Variants in DGKZ observed in about 807,000 individuals in gnomAD.
DGKZ encodes DAG kinase zeta.
DGKZ carries 45 observed loss-of-function variants against 142.5 expected under a neutral mutation model. That is an observed-to-expected ratio of 0.32 (90% CI 0.25 to 0.40). The LOEUF (loss-of-function observed/expected upper bound fraction) is 0.40, where lower values mean the gene tolerates loss of function less well. Ranked by LOEUF, DGKZ falls within the 10% of genes least tolerant of loss-of-function variation. The pLI, the probability that DGKZ is intolerant of heterozygous loss-of-function variation, is 1.00. For missense variants in DGKZ, 755 were observed against 1,306.5 expected, an observed-to-expected ratio of 0.58 and a Z score of 6.51; for synonymous variants, 442 against 527.0, an observed-to-expected ratio of 0.84 and a Z score of 2.21.
intron 25 of DGKZ, 72 bp from the exon 26 acceptor site, chr11:46,378,126 C>T: frequency 1.9e-6 from 3 of 1,556,946 alleles, no homozygotes; most frequent in Non-Finnish European, 2.6e-6. Flanking sequence ...AAGATGCCCC[C>T]AGTTGGGGTT....
rs1467784114 is a variant in DGKZ, at chr11:46,372,220, C to T, written c.927+50C>T. 1 of 1,502,106 alleles carries T rather than the reference C, an allele frequency of 6.7e-7. No homozygotes were observed. Among genetic ancestry groups the T allele is most frequent in the East Asian group, 2.4e-5 (1 of 41,268 alleles). 93.0% of individuals were successfully genotyped at this position (1,502,106 alleles called of 1,614,324 possible). On this transcript the variant is annotated intron_variant, in intron 10 of 30. Coordinates refer to ENST00000527911, the Ensembl canonical transcript of DGKZ. The surrounding 1 kb of genome is among the most constrained non-coding windows in gnomAD (Gnocchi z 5.9). Reference sequence around the variant, plus strand: ...TAAGGGCTCGGGCGGGGGTTGGGGTCCAGCCCGTCTGCCAGCAGCTGTTCC... The same window carrying T: ...TAAGGGCTCGGGCGGGGGTTGGGGTTCAGCCCGTCTGCCAGCAGCTGTTCC...
intron 1 of DGKZ, among the ~76,000 whole-genome samples, chr11:46,354,210 A>G (rs1235207057): frequency 1.3e-5 from 2 of 152,190 alleles, no homozygotes; most frequent in Non-Finnish European, 2.9e-5. Context: ...TGTAGGACAC[A>G]GGATCTCCCT....
At chr11:46,374,791 A>G in exon 18 of DGKZ, 1 of 1,610,602 alleles carries the variant, frequency 6.2e-7, no homozygotes, top group Non-Finnish European at 8.5e-7. Context: ...TTGACTCCCA[A>G]GATCCAGGAC....
intron 14 of DGKZ, 145 bp downstream of exon 14, chr11:46,373,246 T>C: frequency 1.2e-6 from 1 of 818,812 alleles, no homozygotes; most frequent in Admixed American, 3.9e-5. Context: ...ATAATAGTAC[T>C]TGCCTCACAA....
At chr11:46,378,771 C>A in intron 27 of DGKZ, 1 of 889,488 alleles carries the variant, frequency 1.1e-6, no homozygotes, top group Non-Finnish European at 1.8e-6. Flanking sequence ...TGCTCCAGGG[C>A]TTGGTCACCA....
intron 24 of DGKZ, 81 bp from the exon 25 acceptor site, chr11:46,376,992 T>A (rs1944625043): frequency 1.5e-6 from 2 of 1,299,762 alleles, no homozygotes; most frequent in Admixed American, 1.8e-5. Flanking sequence ...TGGCAGAGGC[T>A]TCTCCAGGTC....
chr11:46,345,893 T>C (rs1940564615), upstream of DGKZ, among the ~76,000 whole-genome samples: 1 of 152,156 alleles, frequency 6.6e-6, no homozygotes, highest in Non-Finnish European at 1.5e-5. The surrounding 1 kb of genome is among the most constrained non-coding windows in gnomAD (Gnocchi z 4.1). Context: ...CAAGGCCTTG[T>C]GGAGACTCCG....
At chr11:46,379,762 T>TG in intron 30 of DGKZ, 69 bp from the exon 31 acceptor site, 1 of 1,459,768 alleles carries the variant, frequency 6.9e-7, no homozygotes, top group Non-Finnish European at 9.2e-7. Context: ...GTAGAGCCCC[T>TG]GCCTCTCAGC....
At chr11:46,333,299 A>C (rs961785666) in exon 1 of DGKZ, 7 of 1,268,176 alleles carry the variant, frequency 5.5e-6, no homozygotes, top group Non-Finnish European at 6.9e-6. Flanking sequence ...AGGGCGGCGG[A>C]GGGCAGCGCT....
chr11:46,373,683 A>G (rs1361287980), intron 14 of DGKZ, among the ~76,000 whole-genome samples: 1 of 151,968 alleles, frequency 6.6e-6, no homozygotes, highest in Non-Finnish European at 1.5e-5. Flanking sequence ...TTTTTAGTAG[A>G]GATGGGGTCT....
chr11:46,371,881 C>G, intron 9 of DGKZ, 106 bp downstream of exon 9: 1 of 1,386,594 alleles, frequency 7.2e-7, no homozygotes, highest in Non-Finnish European at 1.0e-6. Context: ...TGGTGGGGGT[C>G]TGTGTGGGCT....
upstream of DGKZ, among the ~76,000 whole-genome samples, chr11:46,346,893 G>A (rs979613664): frequency 6.6e-6 from 1 of 152,232 alleles, no homozygotes; most frequent in Non-Finnish European, 1.5e-5. Context: ...GTTGGTGTGT[G>A]TGCGAGTCAT....
At chr11:46,355,360 A>G (rs893092204) in intron 1 of DGKZ, among the ~76,000 whole-genome samples, 15 of 152,136 alleles carry the variant, frequency 9.9e-5, no homozygotes, top group East Asian at 1.9e-4. Flanking sequence ...CGCCCGCCTC[A>G]GCCTCCCAAA....
intron 1 of DGKZ, among the ~76,000 whole-genome samples, chr11:46,341,051 G>A (rs1940253454): frequency 6.6e-6 from 1 of 152,356 alleles, no homozygotes; most frequent in South Asian, 2.1e-4. Flanking sequence ...AGGAGGCTGA[G>A]GCAGGAGAAT....
intron 24 of DGKZ, 179 bp from the exon 25 acceptor site, chr11:46,376,894 G>A (rs1944609768): frequency 1.5e-6 from 1 of 657,972 alleles, no homozygotes; most frequent in East Asian, 2.7e-5. Flanking sequence ...AGTCTGGGCA[G>A]TCGGAGGAGG....
At chr11:46,374,083 G>T (rs1212397160) in intron 14 of DGKZ, 74 bp from the exon 15 acceptor site, 20 of 1,528,158 alleles carry the variant, frequency 1.3e-5, no homozygotes, top group Non-Finnish European at 1.7e-5. Flanking sequence ...GAGCTGGCTC[G>T]GCCACACGAG....
At chr11:46,361,902 A>T (rs1422110141) in intron 1 of DGKZ, 1 of 154,354 alleles carries the variant, frequency 6.5e-6, no homozygotes, top group African/African-American at 2.4e-5. Context: ...GACCCTGCCG[A>T]CTAAACACTC....
rs775842107 is a variant in DGKZ at position 46,368,147 on chromosome 11, A to T, written c.444+68A>T. 8.5e-6 allele frequency: 13 copies of T among 1,522,302 alleles called. No homozygotes were observed. In the South Asian group the frequency reaches 1.2e-4, roughly 15 times the overall value. The allele number at this position is 1,522,302 out of a possible 1,614,324, so 94.3% of individuals were successfully genotyped here. A position where few individuals can be genotyped will look rare whatever the true frequency, so the allele number is the denominator to read the frequency against. On this transcript the variant is annotated intron_variant, in intron 4 of 30. Coordinates refer to ENST00000527911, the Ensembl canonical transcript of DGKZ. ...GCTGAGGCCCTTTCAGCGCGCACTC[A>T]CACCCACATGTTATACAAACGGCCT...
chr11:46,371,387 G>A lies in DGKZ; in HGVS notation c.642+3G>A, dbSNP rs376067942. The A allele has an allele frequency of 5.0e-6, 8 of 1,613,582 alleles. No individual in the cohort carries two copies. In the Admixed American group the frequency reaches 1.2e-4, roughly 24 times the overall value. On this transcript the variant is annotated splice_donor_region_variant and intron_variant, in intron 7 of 30. Transcript: ENST00000527911. ...GCTGCTCGTGGTGCAAGCAGGCAGT[G>A]AGTGGTGCCCCCGCCCCCAGGGCCA...
Sources: allele counts gnomAD v4.1 joint callset (sites outside exome capture counted in the v4.1 genomes callset), GRCh38; gene constraint gnomAD v4.1.1; non-coding constraint Gnocchi (gnomAD v3.1); transcripts MANE v1.5; gene names NCBI Gene and HGNC (gene_info 2026-07-23, HGNC 2026-07-21).